SGMS1: variants seen among roughly 807,000 people sequenced by gnomAD.
SGMS1 encodes phosphatidylcholine:ceramide cholinephosphotransferase 1.
SGMS1 carries 13 observed loss-of-function variants against 46.2 expected under a neutral mutation model. The observed-to-expected ratio is 0.28, with a 90% CI of 0.18 to 0.45. The LOEUF (loss-of-function observed/expected upper bound fraction) is 0.45. SGMS1 is among the 20% of genes least tolerant of loss of function. The pLI is 1.00. For missense variants in SGMS1, 324 were observed against 519.9 expected (o/e 0.62, Z 3.66); for synonymous variants, 203 against 187.8 (o/e 1.08, Z -0.66).
At chr10:50,498,444 C>A (rs1837634483) in intron 3 of SGMS1, among the ~76,000 whole-genome samples, 1 of 152,104 alleles carries the variant, frequency 6.6e-6, no homozygotes, top group African/African-American at 2.4e-5. Context: ...TTCAACATCC[C>A]AAAGAGAAAT....
chr10:50,440,590 C>T (rs1274326558), intron 5 of SGMS1, among the ~76,000 whole-genome samples: 1 of 152,160 alleles, frequency 6.6e-6, no homozygotes, highest in African/African-American at 2.4e-5. Flanking sequence ...ATGCTAGGCT[C>T]GTTCCTTTAG....
intron 1 of SGMS1, among the ~76,000 whole-genome samples, chr10:50,607,498 G>T (rs746852388): frequency 2.6e-5 from 4 of 152,176 alleles, no homozygotes; most frequent in Non-Finnish European, 5.9e-5. Flanking sequence ...TAGTGTGCAG[G>T]CAGTGAAAGC....
rs1259797282 is a variant in SGMS1, at chr10:50,311,255, G to A, written c.895+7C>T. On this transcript the variant is annotated splice_region_variant and intron_variant, in intron 9 of 10. Coordinates refer to ENST00000361781, the MANE Select transcript of SGMS1 (RefSeq NM_147156.4). Reference sequence around the variant, plus strand: ...AGGAAATTACAATGGAAGTCTTTTAGACTTACACTCTTTGATAAATAAGTA... The same window carrying A: ...AGGAAATTACAATGGAAGTCTTTTAAACTTACACTCTTTGATAAATAAGTA... The A allele has an allele frequency of 1.9e-6, 3 of 1,612,032 alleles. No individual in the cohort carries two copies. In the African/African-American group the frequency reaches 4.0e-5, roughly 22 times the overall value.
At chr10:50,570,678 C>T (rs1465141445) in intron 2 of SGMS1, among the ~76,000 whole-genome samples, 1 of 152,186 alleles carries the variant, frequency 6.6e-6, no homozygotes, top group Non-Finnish European at 1.5e-5. Context: ...TCACACTTAA[C>T]AATCTGAGCA....
chr10:50,430,760 C>A (rs2133614376), intron 6 of SGMS1, among the ~76,000 whole-genome samples: 1 of 152,234 alleles, frequency 6.6e-6, no homozygotes, highest in South Asian at 2.1e-4. Flanking sequence ...ATAATACCTA[C>A]CACATTCAGT....
intron 1 of SGMS1, among the ~76,000 whole-genome samples, chr10:50,605,795 C>T (rs1445275154): frequency 6.6e-6 from 1 of 152,132 alleles, no homozygotes; most frequent in African/African-American, 2.4e-5. Flanking sequence ...AATTTTGTTA[C>T]ATGCATAGAT....
chr10:50,308,159 GA>G lies in SGMS1; in HGVS notation c.896-12del. 6.2e-7 allele frequency: 1 copy of G among 1,610,824 alleles called. No homozygotes were observed. Among genetic ancestry groups the G allele is most frequent in the South Asian group, 1.1e-5 (1 of 90,788 alleles). On this transcript the variant is annotated splice_polypyrimidine_tract_variant and intron_variant, in intron 9 of 10. Coordinates refer to ENST00000361781, the MANE Select transcript of SGMS1 (RefSeq NM_147156.4). ...GTCGCCGAGGGGAATCTGAAAGGGG[GA>G]GAGATTTGCAATAGTCCCATTATTC...
intron 3 of SGMS1, among the ~76,000 whole-genome samples, chr10:50,516,269 T>A (rs1837805409): frequency 6.6e-6 from 1 of 152,220 alleles, no homozygotes; most frequent in Non-Finnish European, 1.5e-5. Context: ...AAAAATTTCA[T>A]GCTGCTTTCT....
rs985097126 is a variant in SGMS1 at position 50,454,775 on chromosome 10, T to G, written c.-313+5898A>C. On this transcript the variant is annotated intron_variant, in intron 5 of 10. Transcript: ENST00000361781. ...GCTTAATTGCTATAGAAAACACAATTTTGATGGAGGAAATCCTACCTTTTC... is the reference window on the plus strand; with the variant it reads ...GCTTAATTGCTATAGAAAACACAATGTTGATGGAGGAAATCCTACCTTTTC... Among the ~76,000 whole-genome samples, 4 of 152,150 alleles carry G rather than the reference T, an allele frequency of 2.6e-5. No individual in the cohort carries two copies. In the South Asian group the frequency reaches 8.3e-4, roughly 32 times the overall value.
chr10:50,488,640 G>A lies in SGMS1; in HGVS notation c.-497-21708C>T, dbSNP rs145581655. Among the ~76,000 whole-genome samples the A allele has an allele frequency of 5.5e-3, 836 of 152,084 alleles. 2 individuals are homozygous for A. The highest frequency in any genetic ancestry group is 0.027 in the Middle Eastern group (8 of 294). Reference sequence around the variant, plus strand: ...CTCATTCTCCATATAAGAATAAAGAGGAAAAAGAAAGAAAAATTATTTTCC... The same window carrying A: ...CTCATTCTCCATATAAGAATAAAGAAGAAAAAGAAAGAAAAATTATTTTCC... On this transcript the variant is annotated intron_variant, in intron 3 of 10. Transcript: ENST00000361781.
At chr10:50,337,367 T>C (rs993314062) in intron 7 of SGMS1, among the ~76,000 whole-genome samples, 9 of 152,168 alleles carry the variant, frequency 5.9e-5, no homozygotes, top group Admixed American at 2.6e-4. Context: ...ATATGGCTAA[T>C]ATATAGTAAA....
chr10:50,555,507 A>C (rs1838182959), intron 2 of SGMS1, among the ~76,000 whole-genome samples: 1 of 152,228 alleles, frequency 6.6e-6, no homozygotes, highest in African/African-American at 2.4e-5. Flanking sequence ...GAGCTGCAGC[A>C]GTGTAATAAG....
At chr10:50,582,636 G>A (rs537384287) in intron 2 of SGMS1, among the ~76,000 whole-genome samples, 1 of 152,290 alleles carries the variant, frequency 6.6e-6, no homozygotes, top group East Asian at 1.9e-4. Context: ...CCAAGCATGT[G>A]CCCGGCAGGA....
intron 2 of SGMS1, among the ~76,000 whole-genome samples, chr10:50,544,350 C>T (rs1299601872): frequency 1.3e-5 from 2 of 152,130 alleles, no homozygotes; most frequent in Non-Finnish European, 2.9e-5. Flanking sequence ...ATGACAAATA[C>T]AGGAATCCAG....
At chr10:50,560,289 T>C (rs201144468) in intron 2 of SGMS1, among the ~76,000 whole-genome samples, 65 of 140,856 alleles carry the variant, frequency 4.6e-4, no homozygotes, top group East Asian at 4.4e-3. Flanking sequence ...AGTATATGTA[T>C]TATAATATAT....
intron 6 of SGMS1, among the ~76,000 whole-genome samples, chr10:50,380,373 T>A (rs1848583500): frequency 7.2e-6 from 1 of 139,692 alleles, no homozygotes; most frequent in African/African-American, 2.7e-5. Flanking sequence ...AGTAAGACTC[T>A]GTATCAAAAA....
intron 6 of SGMS1, among the ~76,000 whole-genome samples, chr10:50,348,429 C>A (rs188040090): frequency 6.6e-6 from 1 of 152,224 alleles, no homozygotes; most frequent in African/African-American, 2.4e-5. Flanking sequence ...ATCATCTCAG[C>A]CCAAAAAGTC....
intron 1 of SGMS1, among the ~76,000 whole-genome samples, chr10:50,611,874 C>T (rs917095826): frequency 5.9e-5 from 9 of 152,122 alleles, no homozygotes; most frequent in Admixed American, 2.6e-4. Flanking sequence ...ACACTGGCAC[C>T]CCCCATCCCC....
intron 3 of SGMS1, among the ~76,000 whole-genome samples, chr10:50,491,110 G>C (rs1363435593): frequency 6.6e-6 from 1 of 152,194 alleles, no homozygotes; most frequent in African/African-American, 2.4e-5. Flanking sequence ...AATTTGGGAG[G>C]CTGAGGCAAG....
Sources: allele counts gnomAD v4.1 joint callset (sites outside exome capture counted in the v4.1 genomes callset), GRCh38; gene constraint gnomAD v4.1.1; transcripts MANE v1.5; gene names NCBI Gene and HGNC (gene_info 2026-07-23, HGNC 2026-07-21).